Variants in RNF212B observed in about 807,000 individuals in gnomAD.
The protein encoded by RNF212B is ring finger protein 212B.
In RNF212B, 52 loss-of-function variants were observed where a neutral mutation model predicts 55.5. That is an observed-to-expected ratio of 0.94 (90% CI 0.75 to 1.18). The LOEUF (loss-of-function observed/expected upper bound fraction) is 1.18. Among genes scored for constraint, RNF212B ranks in the 50% most tolerant of loss-of-function variants. The probability of loss-of-function intolerance (pLI) is 0.00; values close to 1 mark genes in which losing one functional copy is unlikely to be tolerated. For synonymous variants in RNF212B, 99 were observed against 121.4 expected (o/e 0.82, Z 1.21); for missense variants, 289 against 350.4 (o/e 0.82, Z 1.40).
rs142655084 is a variant in RNF212B, at chr14:23,201,224, C to G, written c.-2+7823C>G. On this transcript the variant is annotated intron_variant, in intron 2 of 15. Transcript: ENST00000399910. ...CTGATGTCACAATCTCCAAAGCTAT[C>G]AGAAATCTGCACTCAAGAGCACCTG... 3.2e-4 allele frequency among the ~76,000 whole-genome samples: 49 copies of G among 152,238 alleles called. 1 individual carries two copies. The highest frequency in any genetic ancestry group is 3.1e-3 in the Admixed American group (48 of 15,282).
At chr14:23,270,829 A>T (rs76767785) in intron 14 of RNF212B, among the ~76,000 whole-genome samples, 168 bp downstream of exon 14, 2,136 of 152,314 alleles carry the variant, frequency 0.014, 23 homozygotes, top group Non-Finnish European at 0.025. Flanking sequence ...TTCAGATTTT[A>T]TCCTACTGTT....
At chr14:23,209,342 G>C (rs564826153) in intron 2 of RNF212B, among the ~76,000 whole-genome samples, 1 of 152,258 alleles carries the variant, frequency 6.6e-6, no homozygotes, top group African/African-American at 2.4e-5. Flanking sequence ...CTGTGACTTA[G>C]AATGCCTTAA....
chr14:23,208,361 A>G (rs192523647), intron 2 of RNF212B, among the ~76,000 whole-genome samples: 4 of 152,214 alleles, frequency 2.6e-5, no homozygotes, highest in Admixed American at 2.6e-4. Flanking sequence ...GTCCAGAGTG[A>G]TGGTGTGTGC....
At chr14:23,230,676 A>C (rs938185069) in intron 2 of RNF212B, among the ~76,000 whole-genome samples, 1 of 151,078 alleles carries the variant, frequency 6.6e-6, no homozygotes. Context: ...AAAAAAAAAA[A>C]AAAAAAACCA....
intron 2 of RNF212B, among the ~76,000 whole-genome samples, chr14:23,206,861 G>A (rs1176910365): frequency 1.3e-5 from 2 of 151,536 alleles, no homozygotes; most frequent in African/African-American, 4.9e-5. Flanking sequence ...AAAAAATCAG[G>A]TGAAAACAGA....
At chr14:23,224,363 T>C (rs1394059613) in intron 2 of RNF212B, among the ~76,000 whole-genome samples, 1 of 152,020 alleles carries the variant, frequency 6.6e-6, no homozygotes, top group Non-Finnish European at 1.5e-5. Flanking sequence ...ACTGCAGAGC[T>C]AAAGTAACCA....
chr14:23,213,229 C>T (rs1880720315), intron 2 of RNF212B, among the ~76,000 whole-genome samples: 1 of 151,714 alleles, frequency 6.6e-6, no homozygotes, highest in African/African-American at 2.4e-5. Context: ...AGGAGAATGG[C>T]GTGAACCCGT....
chr14:23,225,721 A>T (rs1007242101), intron 2 of RNF212B, among the ~76,000 whole-genome samples: 5 of 152,168 alleles, frequency 3.3e-5, no homozygotes, highest in Non-Finnish European at 5.9e-5. Flanking sequence ...AAATAGAAAG[A>T]ATAAATAAGA....
At position 23,200,552 on chromosome 14, in the gene RNF212B, C is replaced by T. The variant is rs1321858381; in HGVS notation, c.-2+7151C>T. Among the ~76,000 whole-genome samples the T allele has an allele frequency of 2.6e-5, 4 of 152,158 alleles. No homozygotes were observed. In the East Asian group the frequency reaches 7.7e-4, roughly 29 times the overall value. ...TGTTGGCCAGGCTGGTCTCGAACTC[C>T]TGGCCTCAAGTGATCCACCCACCTC... On this transcript the variant is annotated intron_variant, in intron 2 of 15. Transcript: ENST00000399910.
intron 2 of RNF212B, among the ~76,000 whole-genome samples, chr14:23,213,346 G>T (rs1022208802): frequency 6.6e-6 from 1 of 150,672 alleles, no homozygotes; most frequent in African/African-American, 2.4e-5. Flanking sequence ...GTTACTGAGA[G>T]AAATTAAAGA....
intron 4 of RNF212B, among the ~76,000 whole-genome samples, chr14:23,257,162 A>C (rs200921236): frequency 0.011 from 1,731 of 151,464 alleles, 31 homozygotes; most frequent in African/African-American, 0.039. Flanking sequence ...CACACACACA[A>C]AAAAAATAAA....
intron 14 of RNF212B, among the ~76,000 whole-genome samples, chr14:23,271,797 G>A (rs1886106445): frequency 6.6e-6 from 1 of 152,062 alleles, no homozygotes; most frequent in South Asian, 2.1e-4. Context: ...GATCTTGACT[G>A]AAACAAGCTG....
chr14:23,262,594 T>A (rs1232851696), intron 7 of RNF212B, 71 bp from the exon 8 acceptor site: 4 of 1,274,848 alleles, frequency 3.1e-6, no homozygotes, highest in Non-Finnish European at 4.4e-6. Context: ...AATGATCTGA[T>A]TGATCCTCTA....
At chr14:23,232,445 GGCA>G (rs1882730902) in intron 2 of RNF212B, among the ~76,000 whole-genome samples, 1 of 113,092 alleles carries the variant, frequency 8.8e-6, no homozygotes, top group African/African-American at 2.8e-5. Context: ...GCCTCCGCCC[GGCA>G]GCCGCCCCGT....
intron 1 of RNF212B, among the ~76,000 whole-genome samples, chr14:23,193,167 G>A (rs1271527785): frequency 1.3e-5 from 2 of 148,854 alleles, no homozygotes; most frequent in Non-Finnish European, 3.0e-5. Context: ...TGCTATTATA[G>A]AAGTTTAAAT....
chr14:23,220,904 T>C (rs1014245046), intron 2 of RNF212B, among the ~76,000 whole-genome samples: 2 of 146,544 alleles, frequency 1.4e-5, no homozygotes, highest in Non-Finnish European at 3.1e-5. Flanking sequence ...GAAAATCACC[T>C]TCACTAAAAG....
intron 12 of RNF212B, among the ~76,000 whole-genome samples, chr14:23,269,490 G>A (rs556403420): frequency 2.0e-5 from 3 of 152,078 alleles, no homozygotes; most frequent in Admixed American, 1.3e-4. Flanking sequence ...CTAGCACTTC[G>A]GGAGGCTAAG....
chr14:23,251,075 G>A (rs1884369724), intron 4 of RNF212B, among the ~76,000 whole-genome samples: 1 of 152,154 alleles, frequency 6.6e-6, no homozygotes, highest in Non-Finnish European at 1.5e-5. Flanking sequence ...ACTACTAAAA[G>A]ACAAGAACCC....
chr14:23,266,309 T>A (rs1885686905), intron 11 of RNF212B, among the ~76,000 whole-genome samples: 1 of 152,028 alleles, frequency 6.6e-6, no homozygotes, highest in Non-Finnish European at 1.5e-5. Context: ...ATTGGTTGTT[T>A]ATCAATGTGT....
Sources: allele counts gnomAD v4.1 joint callset (sites outside exome capture counted in the v4.1 genomes callset), GRCh38; gene constraint gnomAD v4.1.1; transcripts MANE v1.5; gene names NCBI Gene and HGNC (gene_info 2026-07-23, HGNC 2026-07-21).